SORCS3: variants seen among roughly 807,000 people sequenced by gnomAD.
The protein encoded by SORCS3 is sortilin related VPS10 domain containing receptor 3.
In SORCS3, 57 loss-of-function variants were observed where a neutral mutation model predicts 146.3. That is an observed-to-expected ratio of 0.39 (90% CI 0.31 to 0.49). The LOEUF (loss-of-function observed/expected upper bound fraction) is 0.49, where lower values mean the gene tolerates loss of function less well. Among genes scored for constraint, SORCS3 ranks in the 20% least tolerant of loss-of-function variants. The pLI is 0.92. For synonymous variants in SORCS3, 653 were observed against 618.5 expected (o/e 1.06, Z -0.83); for missense variants, 1,341 against 1,575.5 (o/e 0.85, Z 2.52).
intron 7 of SORCS3, among the ~76,000 whole-genome samples, chr10:105,136,788 T>A (rs2056061621): frequency 6.6e-6 from 1 of 152,180 alleles, no homozygotes; most frequent in Non-Finnish European, 1.5e-5. Context: ...TGGGAGATAC[T>A]ACAGTATCAG....
At position 104,885,791 on chromosome 10, in the gene SORCS3, A is replaced by G. The variant is rs565876153; in HGVS notation, c.696-30042A>G. ...CACCTCAGCACTACGAAGGATTTTG[A>G]CATTTTTCCTTAATAGTTCTGAGAA... On this transcript the variant is annotated intron_variant, in intron 2 of 26. Coordinates refer to ENST00000369701, the MANE Select transcript of SORCS3 (RefSeq NM_014978.3). Among the ~76,000 whole-genome samples the G allele has an allele frequency of 2.0e-5, 3 of 152,306 alleles. No individual in the cohort carries two copies. The South Asian group carries it at 6.2e-4, about 32-fold the overall frequency.
chr10:105,007,992 G>A (rs966606185), intron 4 of SORCS3, among the ~76,000 whole-genome samples: 8 of 152,130 alleles, frequency 5.3e-5, no homozygotes, highest in African/African-American at 1.9e-4. Context: ...GGGGTGGGGG[G>A]ATGTGTAGCT....
At chr10:105,175,592 A>T (rs1448180706) in intron 13 of SORCS3, among the ~76,000 whole-genome samples, 2 of 152,234 alleles carry the variant, frequency 1.3e-5, no homozygotes, top group Non-Finnish European at 2.9e-5. Flanking sequence ...GACGGACTAC[A>T]TGGTAAGAAA....
intron 7 of SORCS3, among the ~76,000 whole-genome samples, chr10:105,118,231 G>A (rs1224115146): frequency 1.3e-5 from 2 of 152,112 alleles, no homozygotes; most frequent in Non-Finnish European, 2.9e-5. Flanking sequence ...GCTCTCATGA[G>A]ATCTGATGGT....
intron 1 of SORCS3, among the ~76,000 whole-genome samples, chr10:104,668,835 T>G (rs1589452169): frequency 6.6e-6 from 1 of 152,224 alleles, no homozygotes; most frequent in South Asian, 2.1e-4. Context: ...TAACTCTTAG[T>G]TGGAACTAAT....
intron 3 of SORCS3, among the ~76,000 whole-genome samples, chr10:104,970,629 CAT>C (rs1396341335): frequency 1.3e-5 from 2 of 152,146 alleles, no homozygotes; most frequent in African/African-American, 2.4e-5. Context: ...ATTATTCACA[CAT>C]GAGTGAAAAA....
chr10:104,668,890 G>A (rs544067385), intron 1 of SORCS3, among the ~76,000 whole-genome samples: 2 of 152,316 alleles, frequency 1.3e-5, no homozygotes, highest in South Asian at 2.1e-4. Flanking sequence ...CCCCAAGTGC[G>A]ATTCTGACAT....
At chr10:105,038,847 CAT>C (rs906606293) in intron 4 of SORCS3, among the ~76,000 whole-genome samples, 20 of 152,140 alleles carry the variant, frequency 1.3e-4, no homozygotes, top group African/African-American at 3.9e-4. Context: ...AATGTTGACA[CAT>C]GTGTTTTATT....
chr10:104,670,683 G>T (rs1242582089), intron 1 of SORCS3, among the ~76,000 whole-genome samples: 1 of 152,106 alleles, frequency 6.6e-6, no homozygotes, highest in Non-Finnish European at 1.5e-5. Flanking sequence ...GATTCCATAT[G>T]AATTTTAGGA....
intron 1 of SORCS3, among the ~76,000 whole-genome samples, chr10:104,729,411 T>A (rs2016680979): frequency 6.6e-6 from 1 of 152,214 alleles, no homozygotes; most frequent in African/African-American, 2.4e-5. Flanking sequence ...AGTTATAAAG[T>A]TCTATTCTTG....
intron 1 of SORCS3, among the ~76,000 whole-genome samples, chr10:104,762,398 G>A (rs1046341293): frequency 3.3e-5 from 5 of 152,174 alleles, no homozygotes; most frequent in African/African-American, 1.2e-4. Context: ...AGCAGGAAAC[G>A]CATTTGCTTT....
intron 1 of SORCS3, among the ~76,000 whole-genome samples, chr10:104,792,424 T>A (rs562308564): frequency 5.9e-5 from 9 of 152,236 alleles, no homozygotes; most frequent in Non-Finnish European, 1.2e-4. Flanking sequence ...GGTCCCTCTT[T>A]GAGGCCGTAT....
intron 14 of SORCS3, among the ~76,000 whole-genome samples, chr10:105,179,000 A>C (rs2056425993): frequency 6.6e-6 from 1 of 152,202 alleles, no homozygotes. Context: ...TAACTTTTGT[A>C]CACATAGATT....
chr10:104,908,202 C>T (rs1477769699), intron 2 of SORCS3, among the ~76,000 whole-genome samples: 2 of 152,198 alleles, frequency 1.3e-5, no homozygotes, highest in Non-Finnish European at 2.9e-5. Flanking sequence ...CAAGGCCTGG[C>T]ACTTGGAAGC....
At chr10:105,154,509 T>C (rs703488) in intron 9 of SORCS3, among the ~76,000 whole-genome samples, 73,127 of 152,050 alleles carry the variant, frequency 0.48, 18,127 homozygotes, top group Non-Finnish European at 0.53. Context: ...CTTGTATTGT[T>C]CTCTTCCGTG....
At chr10:104,860,460 C>T (rs913892214) in intron 2 of SORCS3, among the ~76,000 whole-genome samples, 9 of 145,346 alleles carry the variant, frequency 6.2e-5, no homozygotes, top group Non-Finnish European at 1.2e-4. Context: ...AGGAGATATA[C>T]CTAATGCTAA....
rs1334481025 is a variant in SORCS3 at position 104,696,496 on chromosome 10, T to A, written c.627+54542T>A. Among the ~76,000 whole-genome samples the A allele has an allele frequency of 3.6e-4, 8 of 22,142 alleles. 1 individual carries two copies. Among genetic ancestry groups the A allele is most frequent in the African/African-American group, 9.5e-4 (7 of 7,350 alleles). 14.5% of individuals were successfully genotyped at this position (22,142 alleles called of 152,430 possible). On this transcript the variant is annotated intron_variant, in intron 1 of 26. Coordinates refer to ENST00000369701, the MANE Select transcript of SORCS3 (RefSeq NM_014978.3). ...AGAATATAGAATATATAATATATAA[T>A]ATATATAATATATAATATATAATAT...
chr10:104,880,541 A>C (rs2018620156), intron 2 of SORCS3, among the ~76,000 whole-genome samples: 1 of 152,202 alleles, frequency 6.6e-6, no homozygotes, highest in Non-Finnish European at 1.5e-5. Context: ...GCTTTGTGTT[A>C]AAAGAATTGT....
Position 104,660,949 on chromosome 10 carries a change from G to A in SORCS3, c.627+18995G>A, listed in dbSNP as rs185414548. ...ATGATGGATTTTTCTTGGTTTAAGCGGAGGGGCAATTGGGGAGAGCTTTGC... is the reference window on the plus strand; with the variant it reads ...ATGATGGATTTTTCTTGGTTTAAGCAGAGGGGCAATTGGGGAGAGCTTTGC... On this transcript the variant is annotated intron_variant, in intron 1 of 26. Transcript: ENST00000369701. Among the ~76,000 whole-genome samples, 94 of 152,200 alleles carry A rather than the reference G, an allele frequency of 6.2e-4. No individual in the cohort carries two copies. The East Asian group carries it at 6.9e-3, about 11-fold the overall frequency.
Sources: allele counts gnomAD v4.1 joint callset (sites outside exome capture counted in the v4.1 genomes callset), GRCh38; gene constraint gnomAD v4.1.1; transcripts MANE v1.5; gene names NCBI Gene and HGNC (gene_info 2026-07-23, HGNC 2026-07-21).